Variants in CNOT9 observed in about 807,000 individuals in gnomAD.
CNOT9 encodes CCR4-NOT transcription complex subunit 9, also known as RCD1 required for cell differentiation1 homolog.
In CNOT9, 8 loss-of-function variants were observed where a neutral mutation model predicts 37.4. That is an observed-to-expected ratio of 0.21 (90% CI 0.13 to 0.39). CNOT9 has a LOEUF of 0.39. Ranked by LOEUF, CNOT9 falls within the 10% of genes least tolerant of loss-of-function variation. The pLI, the probability that CNOT9 is intolerant of heterozygous loss-of-function variation, is 1.00. For missense variants in CNOT9, 154 were observed against 365.3 expected, an observed-to-expected ratio of 0.42 and a Z score of 4.71; for synonymous variants, 120 against 137.6, an observed-to-expected ratio of 0.87 and a Z score of 0.90.
intron 1 of CNOT9, 89 bp downstream of exon 1, chr2:218,569,067 C>G (rs1318966424): frequency 2.1e-6 from 3 of 1,450,502 alleles, no homozygotes; most frequent in African/African-American, 1.4e-5. Flanking sequence ...TGTCGGGTCC[C>G]TAGTCTGATT....
rs1694929364 is a variant in CNOT9, at chr2:218,596,521, CCT to C, written c.*2248_*2249del. 6.7e-6 allele frequency: 1 copy of C among 149,994 alleles called. No individual in the cohort carries two copies. Among genetic ancestry groups the C allele is most frequent in the Non-Finnish European group, 1.5e-5 (1 of 68,102 alleles). 9.3% of individuals were successfully genotyped at this position (149,994 alleles called of 1,614,324 possible). ...TGATCCTTGTCATGCCTGCTTCTCC[CCT>C]CTGTCTACCTACACAACACACACAC... On this transcript the variant is annotated 3_prime_UTR_variant, in exon 8 of 8. Transcript: ENST00000273064.
At chr2:218,593,692 C>G in intron 7 of CNOT9, 1 of 1,263,152 alleles carries the variant, frequency 7.9e-7, no homozygotes, top group Non-Finnish European at 1.0e-6. Flanking sequence ...AAATTGATAA[C>G]TTAGTATAGA....
rs367897940 is a variant in CNOT9 at position 218,570,896 on chromosome 2, A to G, written c.24+1918A>G. Among the ~76,000 whole-genome samples, 5 of 152,324 alleles carry G rather than the reference A, an allele frequency of 3.3e-5. No individual in the cohort carries two copies. The East Asian group carries it at 9.6e-4, about 29-fold the overall frequency. ...ACTTTTAGATGCACTTTCACTTAGGATGTTTGGACCTCGTAGCAGCTCTGA... is the reference window on the plus strand; with the variant it reads ...ACTTTTAGATGCACTTTCACTTAGGGTGTTTGGACCTCGTAGCAGCTCTGA... On this transcript the variant is annotated intron_variant, in intron 1 of 7. Transcript: ENST00000273064.
At chr2:218,570,981 G>A (rs188751212) in intron 1 of CNOT9, among the ~76,000 whole-genome samples, 26 of 152,238 alleles carry the variant, frequency 1.7e-4, no homozygotes, top group African/African-American at 6.0e-4. Flanking sequence ...AAACTAAAAC[G>A]TAAAAAGTTG....
intron 1 of CNOT9, among the ~76,000 whole-genome samples, chr2:218,579,893 A>G (rs1303535844): frequency 6.6e-6 from 1 of 150,562 alleles, no homozygotes; most frequent in East Asian, 1.9e-4. Flanking sequence ...ATCTCAGCTC[A>G]CTATAACTTC....
At chr2:218,569,980 C>T (rs1222297444) in intron 1 of CNOT9, among the ~76,000 whole-genome samples, 1 of 152,122 alleles carries the variant, frequency 6.6e-6, no homozygotes, top group Non-Finnish European at 1.5e-5. Flanking sequence ...CCCTGATCCC[C>T]GTGTAATTAT....
intron 2 of CNOT9, chr2:218,581,170 CTTT>C (rs5838702): frequency 5.2e-3 from 1,262 of 243,782 alleles, no homozygotes; most frequent in South Asian, 9.5e-3. Context: ...GTTTGTTTTT[CTTT>C]TTTTTTTTTT....
At chr2:218,585,462 G>C (rs1574993483) in intron 4 of CNOT9, among the ~76,000 whole-genome samples, 1 of 151,288 alleles carries the variant, frequency 6.6e-6, no homozygotes, top group African/African-American at 2.4e-5. Context: ...AGTCCCAGCT[G>C]CTGGGGAGGC....
chr2:218,584,029 G>A (rs1414846872), intron 3 of CNOT9, among the ~76,000 whole-genome samples: 3 of 152,166 alleles, frequency 2.0e-5, no homozygotes, highest in East Asian at 1.9e-4. Context: ...AGGTTTATTC[G>A]ACTGCACCTG....
rs1171610202 is a variant in CNOT9, at chr2:218,597,077, A to G, written c.*2801A>G. 6.6e-6 allele frequency: 1 copy of G among 152,216 alleles called. No individual in the cohort carries two copies. The highest frequency in any genetic ancestry group is 1.5e-5 in the Non-Finnish European group (1 of 68,032). The allele number at this position is 152,216 out of a possible 1,614,324, so 9.4% of individuals were successfully genotyped here. On this transcript the variant is annotated 3_prime_UTR_variant, in exon 8 of 8. Transcript: ENST00000273064. ...TTGTTGCTTTCAAAAACTCAGAGAA[A>G]AAATTTGGAATAGGAAACCTTAGAA...
intron 2 of CNOT9, among the ~76,000 whole-genome samples, chr2:218,582,340 A>T (rs371278152): frequency 6.6e-6 from 1 of 152,222 alleles, no homozygotes; most frequent in African/African-American, 2.4e-5. Context: ...CTCAACTGAT[A>T]GCCTCAGTAG....
intron 4 of CNOT9, among the ~76,000 whole-genome samples, chr2:218,586,389 T>G (rs1360181664): frequency 3.3e-5 from 5 of 152,132 alleles, no homozygotes; most frequent in Admixed American, 2.6e-4. Flanking sequence ...TCATTCGCTC[T>G]CTGCCATGTG....
chr2:218,590,360 T>G (rs1475462708), intron 5 of CNOT9, among the ~76,000 whole-genome samples: 1 of 152,274 alleles, frequency 6.6e-6, no homozygotes, highest in African/African-American at 2.4e-5. Context: ...ATATTTTGTA[T>G]TTTAATCTGG....
Position 218,596,668 on chromosome 2 carries a change from T to A in CNOT9, c.*2392T>A, listed in dbSNP as rs1177830394. ...GAGGCTGGGAGGGGGATGATGCCCC[T>A]TACCTGATAAAAGTATGTTTTACTG... On this transcript the variant is annotated 3_prime_UTR_variant, in exon 8 of 8. Transcript: ENST00000273064. 6.6e-6 allele frequency: 1 copy of A among 152,204 alleles called. No individual in the cohort carries two copies. Among genetic ancestry groups the A allele is most frequent in the Non-Finnish European group, 1.5e-5 (1 of 68,040 alleles). 9.4% of individuals were successfully genotyped at this position (152,204 alleles called of 1,614,324 possible).
At chr2:218,571,939 G>T (rs527919019) in intron 1 of CNOT9, among the ~76,000 whole-genome samples, 69 of 151,786 alleles carry the variant, frequency 4.5e-4, no homozygotes, top group Admixed American at 2.2e-3. Context: ...ATTCATTACC[G>T]CTACCATTGA....
rs1694944396 is a variant in CNOT9 at position 218,597,051 on chromosome 2, G to C, written c.*2775G>C. On this transcript the variant is annotated 3_prime_UTR_variant, in exon 8 of 8. Transcript: ENST00000273064. ...GGCTAGGAAAAGGGGGATATACAAA[G>C]TTGTTGCTTTCAAAAACTCAGAGAA... The C allele has an allele frequency of 6.6e-6, 1 of 152,054 alleles. No homozygotes were observed. Among genetic ancestry groups the C allele is most frequent in the African/African-American group, 2.4e-5 (1 of 41,398 alleles). 9.4% of individuals were successfully genotyped at this position (152,054 alleles called of 1,614,324 possible).
At chr2:218,580,086 A>C (rs567831916) in intron 1 of CNOT9, among the ~76,000 whole-genome samples, 1 of 149,812 alleles carries the variant, frequency 6.7e-6, no homozygotes, top group East Asian at 2.0e-4. Context: ...CTCCTGTCTC[A>C]GCCTCCTGAG....
chr2:218,581,613 A>G (rs1694380639), intron 2 of CNOT9, among the ~76,000 whole-genome samples: 1 of 152,326 alleles, frequency 6.6e-6, no homozygotes, highest in South Asian at 2.1e-4. Flanking sequence ...AACAATACCA[A>G]AATACCTAGG....
chr2:218,586,638 G>A (rs1694606429), intron 4 of CNOT9, among the ~76,000 whole-genome samples: 1 of 152,036 alleles, frequency 6.6e-6, no homozygotes, highest in African/African-American at 2.4e-5. Flanking sequence ...ACAGGTGCGT[G>A]CCACCACACC....
Sources: gnomAD v4.1 joint callset for allele counts (sites outside exome capture counted in the v4.1 genomes callset) on GRCh38, gnomAD v4.1.1 for gene constraint, MANE v1.5 for transcripts, NCBI Gene and HGNC (gene_info 2026-07-23, HGNC 2026-07-21) for gene names.